The following SH3GL2 variants were observed in gnomAD, a reference collection of about 807,000 sequenced individuals.
SH3GL2 encodes SH3 domain containing GRB2 like 2, endophilin A1, also known as endophilin-A1.
A neutral mutation model predicts 46.0 loss-of-function variants in SH3GL2; 24 were observed. The observed-to-expected ratio is 0.52, with a 90% confidence interval of 0.38 to 0.73. The LOEUF (loss-of-function observed/expected upper bound fraction) is 0.73. Among genes scored for constraint, SH3GL2 ranks in the 30% least tolerant of loss-of-function variants. The pLI is 0.00. For missense variants in SH3GL2, 413 were observed against 424.2 expected (o/e 0.97, Z 0.23); for synonymous variants, 196 against 147.1 (o/e 1.33, Z -2.40).
intron 1 of SH3GL2, among the ~76,000 whole-genome samples, chr9:17,713,446 T>C (rs1327945545): frequency 1.3e-5 from 2 of 151,228 alleles, no homozygotes; most frequent in Non-Finnish European, 1.5e-5. Flanking sequence ...TTCTGCTTGC[T>C]TTGGTTTAAT....
intron 5 of SH3GL2, among the ~76,000 whole-genome samples, chr9:17,789,158 T>C (rs1824050341): frequency 2.0e-5 from 3 of 152,244 alleles, no homozygotes; most frequent in Admixed American, 2.0e-4. Flanking sequence ...AGGGCACTGA[T>C]ATTTCCTATA....
intron 1 of SH3GL2, among the ~76,000 whole-genome samples, chr9:17,618,684 C>T (rs949023720): frequency 3.3e-5 from 5 of 152,102 alleles, no homozygotes; most frequent in African/African-American, 1.2e-4. Context: ...TATCACTCTT[C>T]TAAAGTTTGT....
intron 1 of SH3GL2, among the ~76,000 whole-genome samples, chr9:17,617,425 A>G (rs1819029653): frequency 6.6e-6 from 1 of 152,204 alleles, no homozygotes; most frequent in Admixed American, 6.5e-5. Context: ...AGTAGAAGGC[A>G]AATGGGATTT....
At chr9:17,719,756 G>A (rs1200669557) in intron 1 of SH3GL2, among the ~76,000 whole-genome samples, 1 of 149,606 alleles carries the variant, frequency 6.7e-6, no homozygotes, top group Admixed American at 6.7e-5. Context: ...TTGCATCACT[G>A]TACTCTAGTC....
At chr9:17,594,871 A>C (rs539426455) in intron 1 of SH3GL2, among the ~76,000 whole-genome samples, 27 of 152,262 alleles carry the variant, frequency 1.8e-4, no homozygotes, top group African/African-American at 6.5e-4. Context: ...ATCCTTATGT[A>C]TATTTAAAAG....
chr9:17,609,089 C>G (rs1182493821), intron 1 of SH3GL2, among the ~76,000 whole-genome samples: 2 of 152,118 alleles, frequency 1.3e-5, no homozygotes, highest in African/African-American at 4.8e-5. Flanking sequence ...TCTGCTTTGT[C>G]CAGCTAGTGA....
rs561369437 is a variant in SH3GL2, at chr9:17,677,698, T to C, written c.46-69368T>C. 1.7e-3 allele frequency among the ~76,000 whole-genome samples: 252 copies of C among 152,196 alleles called. 1 individual carries two copies. Among genetic ancestry groups the C allele is most frequent in the Non-Finnish European group, 2.3e-3 (158 of 68,000 alleles). Reference sequence around the variant, plus strand: ...ACAACGTGCAGGTTTGTTACATATGTATACATGTGCCATGTTGGTGTGCTG... The same window carrying C: ...ACAACGTGCAGGTTTGTTACATATGCATACATGTGCCATGTTGGTGTGCTG... On this transcript the variant is annotated intron_variant, in intron 1 of 8. Transcript: ENST00000380607.
chr9:17,683,420 G>A (rs1272839749), intron 1 of SH3GL2, among the ~76,000 whole-genome samples: 2 of 152,062 alleles, frequency 1.3e-5, no homozygotes, highest in Non-Finnish European at 2.9e-5. Flanking sequence ...CCTGGGGGAA[G>A]GGCGGCAAAC....
At chr9:17,584,750 G>A (rs1266536629) in intron 1 of SH3GL2, among the ~76,000 whole-genome samples, 1 of 152,122 alleles carries the variant, frequency 6.6e-6, no homozygotes, top group Non-Finnish European at 1.5e-5. Context: ...ACAAAATGTT[G>A]TTAATGCGCT....
chr9:17,628,930 A>G (rs1819356353), intron 1 of SH3GL2, among the ~76,000 whole-genome samples: 1 of 152,098 alleles, frequency 6.6e-6, no homozygotes, highest in African/African-American at 2.4e-5. Context: ...CATAATACCA[A>G]CTGTTTATAA....
At chr9:17,676,075 A>G (rs1319892297) in intron 1 of SH3GL2, among the ~76,000 whole-genome samples, 6 of 152,250 alleles carry the variant, frequency 3.9e-5, no homozygotes, top group Non-Finnish European at 8.8e-5. Context: ...GAGAGAAAGC[A>G]AAAGATTTGG....
At chr9:17,628,411 GGTGTGTGTGT>G (rs3084633) in intron 1 of SH3GL2, among the ~76,000 whole-genome samples, 21,925 of 143,634 alleles carry the variant, frequency 0.15, 1,591 homozygotes, top group Non-Finnish European at 0.17. Flanking sequence ...CTATATCTTG[GGTGTGTGTGT>G]GTGTGTGTGT....
In SH3GL2 at chr9:17,579,181, C is replaced by T. The variant is rs889637565; in HGVS notation, c.-62C>T. 27 of 1,285,498 alleles carry T rather than the reference C, an allele frequency of 2.1e-5. No individual in the cohort carries two copies. The highest frequency in any genetic ancestry group is 1.9e-4 in the Middle Eastern group (1 of 5,198). 79.6% of individuals were successfully genotyped at this position (1,285,498 alleles called of 1,614,324 possible). On this transcript the variant is annotated 5_prime_UTR_variant, in exon 1 of 9. Transcript: ENST00000380607. ...AGGGGAGCGCGCCGCCCCGCTCGGC[C>T]CTCCAGTCCCCCTCCGCCTCCTCCC...
At chr9:17,785,201 A>G (rs575739578) in intron 3 of SH3GL2, among the ~76,000 whole-genome samples, 85 of 152,188 alleles carry the variant, frequency 5.6e-4, no homozygotes, top group Non-Finnish European at 1.1e-3. Context: ...CCCCTCCCCA[A>G]CTGATGAGGA....
chr9:17,741,454 T>C (rs2118496826), intron 1 of SH3GL2, among the ~76,000 whole-genome samples: 1 of 152,300 alleles, frequency 6.6e-6, no homozygotes, highest in African/African-American at 2.4e-5. Flanking sequence ...AAAATGAAGA[T>C]AGAATTTTCT....
At chr9:17,612,228 G>A (rs1031372496) in intron 1 of SH3GL2, among the ~76,000 whole-genome samples, 2 of 152,176 alleles carry the variant, frequency 1.3e-5, no homozygotes, top group African/African-American at 2.4e-5. Flanking sequence ...GAGGAACAGG[G>A]AGGAAAAGCC....
At chr9:17,794,280 A>G (rs767341450) in intron 8 of SH3GL2, among the ~76,000 whole-genome samples, 1 of 152,180 alleles carries the variant, frequency 6.6e-6, no homozygotes, top group Non-Finnish European at 1.5e-5. Context: ...CTGGATGTGG[A>G]TGTTAGAGAT....
chr9:17,604,441 A>G (rs1818727784), intron 1 of SH3GL2, among the ~76,000 whole-genome samples: 1 of 152,208 alleles, frequency 6.6e-6, no homozygotes, highest in Non-Finnish European at 1.5e-5. Context: ...TAACACATGA[A>G]TCTTAGCCGT....
At chr9:17,586,715 G>A (rs1818383941) in intron 1 of SH3GL2, among the ~76,000 whole-genome samples, 1 of 152,142 alleles carries the variant, frequency 6.6e-6, no homozygotes, top group African/African-American at 2.4e-5. Context: ...GCTCTCGTGA[G>A]AATTCACTCA....
Sources: gnomAD v4.1 joint callset for allele counts (sites outside exome capture counted in the v4.1 genomes callset) on GRCh38, gnomAD v4.1.1 for gene constraint, MANE v1.5 for transcripts, NCBI Gene and HGNC (gene_info 2026-07-23, HGNC 2026-07-21) for gene names.